The following HTR1F variants were observed in gnomAD, a reference collection of about 807,000 sequenced individuals.
HTR1F encodes the protein 5-hydroxytryptamine (serotonin) receptor 1F, G protein-coupled.
Under a neutral mutation model 24.0 loss-of-function variants are expected in HTR1F, and 17 were observed. The observed-to-expected ratio is 0.71, with a 90% CI of 0.48 to 1.06. The LOEUF (loss-of-function observed/expected upper bound fraction) is 1.06. HTR1F is among the 50% of genes least tolerant of loss of function. The pLI is 0.00. For missense variants in HTR1F, 391 were observed against 427.8 expected (o/e 0.91, Z 0.76); for synonymous variants, 186 against 156.8 (o/e 1.19, Z -1.39).
chr3:87,881,581 A>G (rs1705801418), intron 2 of HTR1F, among the ~76,000 whole-genome samples: 1 of 152,216 alleles, frequency 6.6e-6, no homozygotes, highest in African/African-American at 2.4e-5. Context: ...CTGATCTTTG[A>G]CAAACCTGAG....
chr3:87,877,130 G>A (rs1705688241), intron 2 of HTR1F, among the ~76,000 whole-genome samples: 2 of 151,962 alleles, frequency 1.3e-5, no homozygotes, highest in Admixed American at 6.6e-5. Context: ...AAGCATACAA[G>A]ATTTGTAGTG....
chr3:87,929,016 AT>A (rs149240045), intron 2 of HTR1F, among the ~76,000 whole-genome samples: 1 of 152,162 alleles, frequency 6.6e-6, no homozygotes, highest in Non-Finnish European at 1.5e-5. Flanking sequence ...GAAATGAGAC[AT>A]TTTTCTCTTC....
At position 87,946,047 on chromosome 3, in the gene HTR1F, C is replaced by T. The variant is rs553925069; in HGVS notation, c.-42-44661C>T. Among the ~76,000 whole-genome samples, 36 of 152,266 alleles carry T rather than the reference C, an allele frequency of 2.4e-4. No individual in the cohort carries two copies. The East Asian group carries it at 3.9e-3, about 16-fold the overall frequency. ...TAGCTCTATTAGAAGCCGTGGGTCA[C>T]GGAAGAGAACCGTGGAACCCAGTGA... On this transcript the variant is annotated intron_variant, in intron 2 of 2. Transcript: ENST00000319595.
intron 2 of HTR1F, among the ~76,000 whole-genome samples, chr3:87,945,030 G>C (rs1479676047): frequency 1.3e-5 from 2 of 151,884 alleles, no homozygotes; most frequent in Non-Finnish European, 2.9e-5. Flanking sequence ...GTTTTGTTTT[G>C]TTTTGTTTTT....
chr3:87,935,026 C>T (rs1704377545), intron 2 of HTR1F, among the ~76,000 whole-genome samples: 1 of 152,180 alleles, frequency 6.6e-6, no homozygotes, highest in African/African-American at 2.4e-5. Context: ...CCACCAGACC[C>T]AACTAATTTT....
chr3:87,947,110 TAAAAGAA>T, intron 2 of HTR1F, among the ~76,000 whole-genome samples: 1 of 152,330 alleles, frequency 6.6e-6, no homozygotes, highest in East Asian at 1.9e-4. Flanking sequence ...GAATTCTTAT[TAAAAGAA>T]AACATTTTAA....
intron 2 of HTR1F, among the ~76,000 whole-genome samples, chr3:87,921,385 TGCAAG>T (rs1419610398): frequency 6.6e-6 from 1 of 152,006 alleles, no homozygotes; most frequent in Non-Finnish European, 1.5e-5. Flanking sequence ...ATAGTTTATG[TGCAAG>T]GCAAGTTCCA....
chr3:87,813,960 C>A (rs1704204244), intron 1 of HTR1F, among the ~76,000 whole-genome samples: 3 of 151,854 alleles, frequency 2.0e-5, no homozygotes, highest in Admixed American at 2.0e-4. Flanking sequence ...CAGTCTTGTG[C>A]AGATTTTTAC....
At chr3:87,794,806 C>T (rs1703876510) in intron 1 of HTR1F, among the ~76,000 whole-genome samples, 1 of 152,078 alleles carries the variant, frequency 6.6e-6, no homozygotes, top group African/African-American at 2.4e-5. Context: ...GTAAAGTCAA[C>T]TTGTTCACTT....
intron 1 of HTR1F, among the ~76,000 whole-genome samples, chr3:87,804,826 T>C (rs1704048449): frequency 6.6e-6 from 1 of 152,136 alleles, no homozygotes; most frequent in Non-Finnish European, 1.5e-5. Flanking sequence ...TTGGTTTTGG[T>C]TTTATGAAAC....
intron 2 of HTR1F, among the ~76,000 whole-genome samples, chr3:87,848,720 C>A (rs1429827571): frequency 6.6e-6 from 1 of 151,610 alleles, no homozygotes; most frequent in African/African-American, 2.4e-5. Flanking sequence ...ATCATCTCAG[C>A]CCAAAATCTC....
intron 2 of HTR1F, among the ~76,000 whole-genome samples, chr3:87,947,046 T>A (rs1430498461): frequency 6.6e-6 from 1 of 152,348 alleles, no homozygotes; most frequent in South Asian, 2.1e-4. Context: ...ATATTTTGAA[T>A]CTAAGAATAA....
chr3:87,802,406 T>C (rs2107071495), intron 1 of HTR1F, among the ~76,000 whole-genome samples: 1 of 150,812 alleles, frequency 6.6e-6, no homozygotes, highest in South Asian at 2.1e-4. Flanking sequence ...AATAGTAGGA[T>C]GATCACAGCT....
intron 2 of HTR1F, among the ~76,000 whole-genome samples, chr3:87,956,963 C>A (rs564110155): frequency 8.6e-5 from 13 of 150,966 alleles, no homozygotes; most frequent in Non-Finnish European, 1.9e-4. Context: ...TTTTCTCTTG[C>A]TTTTTTAGCC....
intron 2 of HTR1F, among the ~76,000 whole-genome samples, chr3:87,860,488 G>T (rs1316768101): frequency 6.6e-6 from 1 of 152,026 alleles, no homozygotes; most frequent in Non-Finnish European, 1.5e-5. Context: ...TGCTTCCTTT[G>T]TCATTCACAT....
chr3:87,914,392 G>A (rs1374216363), intron 2 of HTR1F, among the ~76,000 whole-genome samples: 1 of 152,158 alleles, frequency 6.6e-6, no homozygotes, highest in African/African-American at 2.4e-5. Flanking sequence ...CAGATTCCAT[G>A]GGCAGGGGAA....
intron 2 of HTR1F, among the ~76,000 whole-genome samples, chr3:87,950,639 T>C (rs1704813372): frequency 6.6e-6 from 1 of 152,010 alleles, no homozygotes; most frequent in South Asian, 2.1e-4. Flanking sequence ...ATGATTATAA[T>C]CTGGAATAAT....
At chr3:87,879,507 A>G (rs1705742644) in intron 2 of HTR1F, among the ~76,000 whole-genome samples, 1 of 152,182 alleles carries the variant, frequency 6.6e-6, no homozygotes, top group African/African-American at 2.4e-5. Context: ...CTGCCCTAGC[A>G]CAAAACCCTC....
At chr3:87,856,220 GA>G (rs201830581) in intron 2 of HTR1F, among the ~76,000 whole-genome samples, 3 of 151,592 alleles carry the variant, frequency 2.0e-5, no homozygotes, top group South Asian at 2.1e-4. Flanking sequence ...TTTATTTATA[GA>G]AAAAAACAGT....
Sources: gnomAD v4.1 joint callset for allele counts (sites outside exome capture counted in the v4.1 genomes callset) on GRCh38, gnomAD v4.1.1 for gene constraint, MANE v1.5 for transcripts, NCBI Gene and HGNC (gene_info 2026-07-23, HGNC 2026-07-21) for gene names.